The following DHRS3 variants were observed in gnomAD, a reference collection of about 807,000 sequenced individuals.
The protein encoded by DHRS3 is dehydrogenase/reductase 3.
DHRS3 carries 14 observed loss-of-function variants against 27.2 expected under a neutral mutation model. The ratio of observed to expected loss-of-function variants is 0.52; its 90% CI spans 0.34 to 0.81. DHRS3 has a LOEUF of 0.81. Ranked by LOEUF, DHRS3 falls within the 30% of genes least tolerant of loss-of-function variation. DHRS3 has a pLI of 0.01. For missense variants in DHRS3, 322 were observed against 406.2 expected, an observed-to-expected ratio of 0.79 and a Z score of 1.78; for synonymous variants, 165 against 175.9, an observed-to-expected ratio of 0.94 and a Z score of 0.49.
chr1:12,590,556 T>C (rs1287647824), intron 1 of DHRS3, among the ~76,000 whole-genome samples: 1 of 152,106 alleles, frequency 6.6e-6, no homozygotes, highest in African/African-American at 2.4e-5. Flanking sequence ...GTGATCCACC[T>C]GCCTCGGCCT....
At chr1:12,613,661 T>A (rs1193150655) in intron 1 of DHRS3, among the ~76,000 whole-genome samples, 1 of 152,212 alleles carries the variant, frequency 6.6e-6, no homozygotes, top group Non-Finnish European at 1.5e-5. Context: ...TCTACCCACA[T>A]GCTGTAAATT....
At position 12,572,987 on chromosome 1, in the gene DHRS3, C is replaced by T. The variant is rs1320616259; in HGVS notation, c.699-134G>A. The T allele has an allele frequency of 3.5e-6, 4 of 1,131,270 alleles. No individual in the cohort carries two copies. In the East Asian group the frequency reaches 1.1e-4, roughly 31 times the overall value. 70.1% of individuals were successfully genotyped at this position (1,131,270 alleles called of 1,614,324 possible). On this transcript the variant is annotated intron_variant, in intron 4 of 5. Transcript: ENST00000616661. The stretch of plus-strand genomic sequence containing the variant: ...AGAGATTCGAGGCCTGCTTGGAATA[C>T]TCCCTCTACCCCACACCCATCCAGG...
chr1:12,608,592 C>T lies in DHRS3; in HGVS notation c.195+8562G>A, dbSNP rs1646886646. Among the ~76,000 whole-genome samples the T allele has an allele frequency of 6.6e-6, 1 of 152,134 alleles. No individual in the cohort carries two copies. The highest frequency in any genetic ancestry group is 1.5e-5 in the Non-Finnish European group (1 of 68,012). ...GCCCCTGCCCCTGCCTGTGTCATTG[C>T]CCTCACTGACTTCATGACAATGACT... On this transcript the variant is annotated intron_variant, in intron 1 of 5. Transcript: ENST00000616661. This position sits in a 1 kb window ranked among gnomAD's most constrained non-coding sequence, Gnocchi z 4.1.
intron 5 of DHRS3, among the ~76,000 whole-genome samples, chr1:12,572,478 T>A (rs756826542): frequency 6.7e-4 from 102 of 152,324 alleles, no homozygotes; most frequent in Non-Finnish European, 3.4e-4. Flanking sequence ...CCCTGGCTTT[T>A]AATTTCTAAT....
In DHRS3 at chr1:12,575,609, C is replaced by A. The variant is rs973189442; in HGVS notation, c.699-2756G>T. Among the ~76,000 whole-genome samples the A allele has an allele frequency of 3.3e-5, 5 of 152,298 alleles. No homozygotes were observed. The East Asian group carries it at 9.6e-4, about 29-fold the overall frequency. On this transcript the variant is annotated intron_variant, in intron 4 of 5. Coordinates refer to ENST00000616661, the MANE Select transcript of DHRS3 (RefSeq NM_004753.7). ...GGCTCCCCTGCACAACCATAGGTAG[C>A]TAATGTTCACCTAGTGCTTGCTACT...
rs924615306 is a variant in DHRS3, at chr1:12,594,863, T to A, written c.196-14197A>T. Among the ~76,000 whole-genome samples, 1 of 151,524 alleles carries A rather than the reference T, an allele frequency of 6.6e-6. No individual in the cohort carries two copies. Among genetic ancestry groups the A allele is most frequent in the Non-Finnish European group, 1.5e-5 (1 of 67,848 alleles). On this transcript the variant is annotated intron_variant, in intron 1 of 5. Coordinates refer to ENST00000616661, the MANE Select transcript of DHRS3 (RefSeq NM_004753.7). This position sits in a 1 kb window ranked among gnomAD's most constrained non-coding sequence, Gnocchi z 4.1. ...AAGGGGCTGGGCTGGGATGCTTAGG[T>A]GATGGGAGAAGAGGGATTCTGGACG...
At chr1:12,590,282 G>T (rs1352835164) in intron 1 of DHRS3, among the ~76,000 whole-genome samples, 1 of 152,132 alleles carries the variant, frequency 6.6e-6, no homozygotes. Flanking sequence ...CAGTCACCCA[G>T]AGTGGTGACA....
At chr1:12,598,958 A>G (rs534570892) in intron 1 of DHRS3, among the ~76,000 whole-genome samples, 1 of 152,246 alleles carries the variant, frequency 6.6e-6, no homozygotes, top group East Asian at 1.9e-4. Context: ...TCTCCCTCAT[A>G]CTCCAACATG....
At position 12,572,715 on chromosome 1, in the gene DHRS3, C is replaced by T; in HGVS notation, c.824+13G>A. 1 of 1,580,154 alleles carries T rather than the reference C, an allele frequency of 6.3e-7. No homozygotes were observed. On this transcript the variant is annotated intron_variant, in intron 5 of 5. Transcript: ENST00000616661. ...TTTCCCCTGACCCAGAGTGTTCTTT[C>T]CCAGCCCCATACCTTTTCAAGATAA... is the stretch of plus-strand genomic sequence containing the variant.
chr1:12,613,285 G>A (rs541574951), intron 1 of DHRS3, among the ~76,000 whole-genome samples: 1 of 152,298 alleles, frequency 6.6e-6, no homozygotes, highest in East Asian at 1.9e-4. Flanking sequence ...AGAACCACAA[G>A]AGAATACATT....
At chr1:12,585,672 C>T (rs1249211590) in intron 1 of DHRS3, among the ~76,000 whole-genome samples, 3 of 152,164 alleles carry the variant, frequency 2.0e-5, no homozygotes, top group Non-Finnish European at 4.4e-5. Context: ...GGGGAATCTG[C>T]GTCACTGACC....
chr1:12,589,967 T>A (rs1646731719), intron 1 of DHRS3, among the ~76,000 whole-genome samples: 1 of 152,112 alleles, frequency 6.6e-6, no homozygotes, highest in Non-Finnish European at 1.5e-5. Context: ...TCCACCTCCA[T>A]CTGACTACCC....
intron 1 of DHRS3, among the ~76,000 whole-genome samples, chr1:12,581,681 G>T (rs553630712): frequency 6.6e-6 from 1 of 152,162 alleles, no homozygotes; most frequent in African/African-American, 2.4e-5. Context: ...GGAGGACGAC[G>T]CACCTCCCCA....
At chr1:12,579,156 T>A in intron 3 of DHRS3, 137 bp downstream of exon 3, 1 of 1,460,542 alleles carries the variant, frequency 6.8e-7, no homozygotes, top group Non-Finnish European at 9.4e-7. Flanking sequence ...GAGCTGGTCA[T>A]TCGTCTTGTC....
At chr1:12,595,266 G>A (rs1026326201) in intron 1 of DHRS3, among the ~76,000 whole-genome samples, 2 of 152,184 alleles carry the variant, frequency 1.3e-5, no homozygotes, top group South Asian at 2.1e-4. Flanking sequence ...AGCTGCAGCC[G>A]GCTCGGTGCG....
Position 12,568,380 on chromosome 1 carries a change from C to T in DHRS3, c.869G>A (p.Gly290Glu). The change falls in exon 6 of 6, where the codon GGA becomes GAA. Residue 290 changes from glycine to glutamate, a missense_variant. Coordinates refer to ENST00000616661, the MANE Select transcript of DHRS3 (RefSeq NM_004753.7). ...GAAAGTGTTCATGCAGGTGTAGGTT[C>T]CTGAGAATTTGTGGATCTCCTCGAG... The part of the protein sequence containing the change: ...AALEEIHKFS[G>E]TYTCMNTFKG... 6.2e-7 allele frequency: 1 copy of T among 1,613,940 alleles called. No individual in the cohort carries two copies. The highest frequency in any genetic ancestry group is 8.5e-7 in the Non-Finnish European group (1 of 1,179,848).
At position 12,617,788 on chromosome 1, in the gene DHRS3, TAAAAAAAAAAAAAA is replaced by T. The variant is rs891272993; in HGVS notation, c.-454_-441del. The T allele has an allele frequency of 3.3e-4, 1 of 3,070 alleles. No individual in the cohort carries two copies. The highest frequency in any genetic ancestry group is 5.1e-4 in the Non-Finnish European group (1 of 1,964). 0.2% of individuals were successfully genotyped at this position (3,070 alleles called of 1,614,324 possible). ...GTCCCGCGGTTTCAAAGTGCAAGAT[TAAAAAAAAAAAAAA>T]AAAAAAAAAAAAAGCTGATTCCAAA... On this transcript the variant is annotated 5_prime_UTR_variant, in exon 1 of 6. Transcript: ENST00000616661.
intron 1 of DHRS3, among the ~76,000 whole-genome samples, chr1:12,606,265 A>G (rs1181454745): frequency 6.8e-6 from 1 of 147,446 alleles, no homozygotes; most frequent in Non-Finnish European, 1.5e-5. Flanking sequence ...GAAAGAAAAA[A>G]TTCATCTTGT....
rs544209002 is a variant in DHRS3, at chr1:12,593,719, G to A, written c.196-13053C>T. Among the ~76,000 whole-genome samples the A allele has an allele frequency of 4.6e-5, 7 of 152,242 alleles. No individual in the cohort carries two copies. In the South Asian group the frequency reaches 1.5e-3, roughly 32 times the overall value. On this transcript the variant is annotated intron_variant, in intron 1 of 5. Coordinates refer to ENST00000616661, the MANE Select transcript of DHRS3 (RefSeq NM_004753.7). The surrounding 1 kb of genome is among the most constrained non-coding windows in gnomAD (Gnocchi z 4.6). ...AAATGCTAAAACCACGCCCTGCCAA[G>A]AGCCAGTACGTGACAACTGGGCAGT... is the stretch of plus-strand genomic sequence containing the variant.
Sources: gnomAD v4.1 joint callset for allele counts (sites outside exome capture counted in the v4.1 genomes callset) on GRCh38, gnomAD v4.1.1 for gene constraint, Gnocchi (gnomAD v3.1) non-coding constraint, MANE v1.5 for transcripts, NCBI Gene and HGNC (gene_info 2026-07-23, HGNC 2026-07-21) for gene names.